DST: variants seen among roughly 807,000 people sequenced by gnomAD.
The protein encoded by DST is dystonin.
In DST, 253 loss-of-function variants were observed where a neutral mutation model predicts 875.2. The ratio of observed to expected loss-of-function variants is 0.29; its 90% CI spans 0.26 to 0.32. DST has a LOEUF of 0.32. Ranked by LOEUF, DST falls within the 10% of genes least tolerant of loss-of-function variation. The probability of loss-of-function intolerance (pLI) is 1.00; values close to 1 mark genes in which losing one functional copy is unlikely to be tolerated. For synonymous variants in DST, 3,124 were observed against 3,197.1 expected (o/e 0.98, Z 0.77); for missense variants, 8,287 against 9,111.6 (o/e 0.91, Z 3.68).
chr6:56,779,750 G>A (rs2099688272), intron 4 of DST, among the ~76,000 whole-genome samples: 1 of 149,558 alleles, frequency 6.7e-6, no homozygotes, highest in Admixed American at 6.7e-5. Flanking sequence ...TATACTTTAA[G>A]TTTTAGGGTA....
chr6:56,477,369 T>C lies in DST; in HGVS notation c.21651A>G (p.Thr7217=), dbSNP rs780128469. The C allele has an allele frequency of 6.2e-7, 1 of 1,613,976 alleles. No individual in the cohort carries two copies. Among genetic ancestry groups the C allele is most frequent in the Non-Finnish European group, 8.5e-7 (1 of 1,179,870 alleles). The change falls in exon 91 of 104, where the codon ACA becomes ACG. Residue 7217 remains threonine, a synonymous_variant. Transcript: ENST00000680361. ...DSITTIKHWI[T]IIRARFEEVL... is the part of the protein sequence containing the mutation. ...CCTCCTCAAACCTCGCCCGGATGAT[T>C]GTTATCCAGTGCTTAATGGTAGTGA... is the stretch of plus-strand genomic sequence containing the variant.
At chr6:56,612,681 G>A (rs1264451246) in intron 37 of DST, among the ~76,000 whole-genome samples, 1 of 152,094 alleles carries the variant, frequency 6.6e-6, no homozygotes, top group African/African-American at 2.4e-5. Flanking sequence ...ATAATCATGA[G>A]GCTGCATTGA....
chr6:56,584,074 G>A (rs1395199517), intron 49 of DST, among the ~76,000 whole-genome samples: 6 of 151,788 alleles, frequency 4.0e-5, no homozygotes, highest in African/African-American at 1.2e-4. Context: ...TTGGCGATGC[G>A]GGCTCTTTTT....
chr6:56,692,510 C>T, intron 9 of DST: 16 of 1,289,718 alleles, frequency 1.2e-5, no homozygotes, highest in Non-Finnish European at 1.5e-5. Context: ...TTTTGCTTTT[C>T]TTGAATACTG....
chr6:56,609,213 A>G lies in DST; in HGVS notation c.5415T>C (p.Ser1805=). The change falls in exon 40 of 104, where the codon TCT becomes TCC. Residue 1805 remains serine, a synonymous_variant. Transcript: ENST00000680361. ...IRLLETQLMI[S]GLISPELRKC... ...TTCTTAATTCTGGTGAAATTAGACC[A>G]GAAATCATTAGCTGTGTCTCAAGCA... 2 of 1,613,886 alleles carry G rather than the reference A, an allele frequency of 1.2e-6. No homozygotes were observed. The highest frequency in any genetic ancestry group is 4.5e-5 in the East Asian group (2 of 44,890).
chr6:56,760,137 A>G (rs1465304650), intron 4 of DST, among the ~76,000 whole-genome samples: 1 of 152,216 alleles, frequency 6.6e-6, no homozygotes, highest in Non-Finnish European at 1.5e-5. Context: ...AAGTCTGAAC[A>G]TTTCTAAATA....
intron 4 of DST, among the ~76,000 whole-genome samples, chr6:56,759,844 G>A (rs1221283974): frequency 6.6e-6 from 1 of 152,136 alleles, no homozygotes; most frequent in Non-Finnish European, 1.5e-5. Context: ...CTCTAGGCAA[G>A]GCAAAGAGCA....
At chr6:56,766,456 T>C (rs1479062542) in intron 4 of DST, among the ~76,000 whole-genome samples, 1 of 152,068 alleles carries the variant, frequency 6.6e-6, no homozygotes, top group Admixed American at 6.6e-5. Flanking sequence ...AAGATAGCAC[T>C]GCTGTCTTTC....
chr6:56,928,682 C>T (rs1279642164), intron 2 of DST, among the ~76,000 whole-genome samples: 5 of 151,966 alleles, frequency 3.3e-5, no homozygotes, highest in Non-Finnish European at 7.4e-5. Flanking sequence ...ACTTGGAAAA[C>T]CCAAGAGATT....
Position 56,473,941 on chromosome 6 carries a change from T to C in DST, c.21926A>G (p.Lys7309Arg). The C allele has an allele frequency of 6.3e-7, 1 of 1,589,656 alleles. No individual in the cohort carries two copies. Among genetic ancestry groups the C allele is most frequent in the East Asian group, 2.3e-5 (1 of 44,426 alleles). Residue 7309 changes from lysine (K) to arginine (R), a missense_variant, in exon 93 of 104, where the codon AAG becomes AGG. Coordinates refer to ENST00000680361, the MANE Select transcript of DST (RefSeq NM_001374736.1). ...PDVDKVTKTY[K>R]RRAADPSSLQ... ...TGAGGAAGGATCAGCAGCTCTCCTC[T>C]TATAGGTCTTCGTTACTTTATCAAC...
At chr6:56,795,023 T>C (rs2099737279) in intron 4 of DST, among the ~76,000 whole-genome samples, 1 of 152,084 alleles carries the variant, frequency 6.6e-6, no homozygotes, top group Admixed American at 6.6e-5. Flanking sequence ...CAAGGAAGGC[T>C]TCTGAGCAAA....
intron 93 of DST, 139 bp from the exon 94 acceptor site, chr6:56,472,361 G>T: frequency 1.4e-6 from 1 of 734,388 alleles, no homozygotes; most frequent in Non-Finnish European, 2.2e-6. Context: ...TAATTTAGAT[G>T]ATGTATAATG....
chr6:56,828,480 A>T (rs1486589677), intron 4 of DST, among the ~76,000 whole-genome samples: 1 of 152,188 alleles, frequency 6.6e-6, no homozygotes, highest in East Asian at 1.9e-4. Flanking sequence ...CACTGATATC[A>T]CTACTTCTGT....
chr6:56,712,077 C>T (rs1451506530), intron 5 of DST, among the ~76,000 whole-genome samples: 3 of 101,034 alleles, frequency 3.0e-5, no homozygotes, highest in African/African-American at 7.1e-5. Flanking sequence ...GGCGACAGAG[C>T]GAGACTCCGT....
intron 6 of DST, 34 bp downstream of exon 6, chr6:56,704,246 T>G: frequency 8.8e-7 from 1 of 1,134,854 alleles, no homozygotes; most frequent in Non-Finnish European, 1.3e-6. Flanking sequence ...AGATTACACG[T>G]TCTTCAAAAT....
chr6:56,514,647 T>C (rs1230662173), intron 72 of DST, among the ~76,000 whole-genome samples: 1 of 148,376 alleles, frequency 6.7e-6, no homozygotes, highest in Non-Finnish European at 1.5e-5. Flanking sequence ...ATGCACACCA[T>C]GATTAGTCTC....
chr6:56,519,119 G>A (rs1165028100), intron 69 of DST, among the ~76,000 whole-genome samples: 4 of 152,080 alleles, frequency 2.6e-5, no homozygotes, highest in Non-Finnish European at 5.9e-5. Flanking sequence ...ACAGTGGTGA[G>A]TTCTCTGGGA....
Position 56,463,624 on chromosome 6 carries a change from C to G in DST, c.22900G>C (p.Val7634Leu). 6.2e-7 allele frequency: 1 copy of G among 1,613,064 alleles called. No homozygotes were observed. Among genetic ancestry groups the G allele is most frequent in the South Asian group, 1.1e-5 (1 of 91,002 alleles). Reference protein sequence around the residue: ...RGASPNRSTSVSSQAAQAASP... With the variant: ...RGASPNRSTSLSSQAAQAASP... ...GCCGCCTGCGCAGCCTGACTGGACA[C>G]AGAAGTGGATCTGTTGGGTGAAGCG... The change falls in exon 101 of 104, where the codon GTG becomes CTG. Residue 7634 changes from valine (V) to leucine (L), a missense_variant. Transcript: ENST00000680361.
chr6:56,498,915 G>C (rs2096017930), intron 80 of DST, among the ~76,000 whole-genome samples: 1 of 152,088 alleles, frequency 6.6e-6, no homozygotes, highest in East Asian at 1.9e-4. Flanking sequence ...ACAGAACCCA[G>C]CAAATAATGC....
Sources: gnomAD v4.1 joint callset for allele counts (sites outside exome capture counted in the v4.1 genomes callset) on GRCh38, gnomAD v4.1.1 for gene constraint, MANE v1.5 for transcripts, NCBI Gene and HGNC (gene_info 2026-07-23, HGNC 2026-07-21) for gene names.